The following TXNDC11 variants were observed in gnomAD, a reference collection of about 807,000 sequenced individuals.
TXNDC11 encodes thioredoxin domain-containing protein 11.
TXNDC11 carries 68 observed loss-of-function variants against 78.0 expected under a neutral mutation model. That is an observed-to-expected ratio of 0.87 (90% CI 0.72 to 1.07). The LOEUF (loss-of-function observed/expected upper bound fraction) is 1.07. Among genes scored for constraint, TXNDC11 ranks in the 50% least tolerant of loss-of-function variants. The probability of loss-of-function intolerance (pLI) is 0.00; values close to 1 mark genes in which losing one functional copy is unlikely to be tolerated. For synonymous variants in TXNDC11, 571 were observed against 495.2 expected (o/e 1.15, Z -2.03); for missense variants, 1,389 against 1,221.8 (o/e 1.14, Z -2.04).
In TXNDC11 at chr16:11,679,316, T is replaced by C. The variant is rs2050345324; in HGVS notation, c.2756A>G (p.Glu919Gly). The C allele has an allele frequency of 2.5e-6, 4 of 1,612,326 alleles. No individual in the cohort carries two copies. The highest frequency in any genetic ancestry group is 3.4e-6 in the Non-Finnish European group (4 of 1,179,592). Residue 919 changes from glutamate (E) to glycine (G), a missense_variant, in exon 12 of 12, where the codon GAG (glutamate) becomes GGG (glycine). Glu to Gly is a moderately conservative substitution (Grantham distance 98). Coordinates refer to ENST00000283033, the MANE Select transcript of TXNDC11 (RefSeq NM_015914.7). The surrounding 1 kb of genome is among the most constrained non-coding windows in gnomAD (Gnocchi z 4.6). ...DGAESLAAQR[E>G]VHPKQPEPSA... The stretch of plus-strand genomic sequence containing the variant: ...GGGCTCAGGCTGCTTGGGGTGGACC[T>C]CTCTCTGGGCCGCCAGGCTTTCAGC...
intron 1 of TXNDC11, among the ~76,000 whole-genome samples, chr16:11,741,327 G>A (rs1317927733): frequency 1.3e-5 from 2 of 152,174 alleles, no homozygotes; most frequent in Non-Finnish European, 1.5e-5. Flanking sequence ...GTGGATTTGG[G>A]AGACCAGAAG....
chr16:11,735,514 C>T (rs568938930), intron 2 of TXNDC11, among the ~76,000 whole-genome samples: 59 of 152,188 alleles, frequency 3.9e-4, no homozygotes, highest in Non-Finnish European at 6.2e-4. Context: ...CTGGGGTCCA[C>T]TGGGCTGAAA....
At chr16:11,685,578 G>A (rs1312478268) in intron 10 of TXNDC11, among the ~76,000 whole-genome samples, 1 of 151,890 alleles carries the variant, frequency 6.6e-6, no homozygotes, top group Non-Finnish European at 1.5e-5. Flanking sequence ...GAACCCGGGA[G>A]GCGGAGCTTA....
chr16:11,690,313 G>A (rs994016038), intron 8 of TXNDC11, among the ~76,000 whole-genome samples: 1 of 152,242 alleles, frequency 6.6e-6, no homozygotes, highest in African/African-American at 2.4e-5. Flanking sequence ...CCAGGGGCAA[G>A]CTCTGGGTGC....
chr16:11,708,666 A>G (rs1022590318), intron 5 of TXNDC11, among the ~76,000 whole-genome samples: 11 of 152,256 alleles, frequency 7.2e-5, no homozygotes, highest in African/African-American at 2.7e-4. Flanking sequence ...TTCAAAACAA[A>G]ATACCACTGG....
intron 8 of TXNDC11, among the ~76,000 whole-genome samples, chr16:11,690,560 CTCTT>C (rs1157146706): frequency 6.6e-6 from 1 of 152,100 alleles, no homozygotes; most frequent in African/African-American, 2.4e-5. Context: ...CTTCACTGCT[CTCTT>C]TTTTTGGAGA....
chr16:11,729,961 G>A (rs2051997363), intron 4 of TXNDC11, among the ~76,000 whole-genome samples: 1 of 152,230 alleles, frequency 6.6e-6, no homozygotes, highest in South Asian at 2.1e-4. Context: ...TGGGCGTGGT[G>A]GCACTGCCTG....
chr16:11,737,510 A>G (rs2052260439), intron 1 of TXNDC11, among the ~76,000 whole-genome samples: 1 of 152,006 alleles, frequency 6.6e-6, no homozygotes, highest in African/African-American at 2.4e-5. Flanking sequence ...GACGGTACAA[A>G]TGGAAAACAA....
chr16:11,740,232 G>C (rs189770638), intron 1 of TXNDC11, among the ~76,000 whole-genome samples: 2 of 151,972 alleles, frequency 1.3e-5, no homozygotes, highest in African/African-American at 4.8e-5. Context: ...GAAAAGCGGG[G>C]GTAGAAATGT....
intron 1 of TXNDC11, chr16:11,742,097 G>T (rs1346543681): frequency 1.8e-5 from 4 of 225,008 alleles, no homozygotes; most frequent in African/African-American, 9.1e-5. Flanking sequence ...ACTCTCGCAA[G>T]GTTGTGGATC....
chr16:11,732,292 T>C (rs11642880), intron 3 of TXNDC11, among the ~76,000 whole-genome samples: 46,559 of 152,110 alleles, frequency 0.31, 8,852 homozygotes, highest in Non-Finnish European at 0.43. Context: ...ACTCTTCTGA[T>C]TTTAATGTCA....
At chr16:11,702,753 G>A (rs2051069404) in intron 5 of TXNDC11, among the ~76,000 whole-genome samples, 1 of 152,158 alleles carries the variant, frequency 6.6e-6, no homozygotes, top group Admixed American at 6.5e-5. Context: ...AAGTAGCTAA[G>A]ATATAAAAAT....
chr16:11,711,538 C>T (rs1055445869), intron 5 of TXNDC11, among the ~76,000 whole-genome samples: 1 of 152,160 alleles, frequency 6.6e-6, no homozygotes, highest in African/African-American at 2.4e-5. Context: ...CTAGACTGTC[C>T]ATCTCACATT....
rs907083098 is a variant in TXNDC11, at chr16:11,742,491, G to C, written c.240C>G (p.Leu80=). The change falls in exon 1 of 12, where the codon CTC becomes CTG. Residue 80 remains leucine, a synonymous_variant. Transcript: ENST00000283033. ...VALGCALLLA[L]KFTCSRAKDV... is the part of the protein sequence containing the mutation. ...GGCCGCCTCACCTGCAGGTGAACTT[G>C]AGGGCGAGGAGCAGCGCGCAGCCGA... 6.9e-7 allele frequency: 1 copy of C among 1,449,762 alleles called. No individual in the cohort carries two copies. The highest frequency in any genetic ancestry group is 9.0e-7 in the Non-Finnish European group (1 of 1,109,376). 89.8% of individuals were successfully genotyped at this position (1,449,762 alleles called of 1,614,324 possible). A position where few individuals can be genotyped will look rare whatever the true frequency, so the allele number is the denominator to read the frequency against.
At chr16:11,700,691 A>T in intron 5 of TXNDC11, 127 bp from the exon 6 acceptor site, 1 of 568,518 alleles carries the variant, frequency 1.8e-6, no homozygotes, top group Non-Finnish European at 3.2e-6. Flanking sequence ...TAGCCTAGAG[A>T]GGGAAGGAAG....
chr16:11,693,452 T>C (rs1228610339), intron 7 of TXNDC11, among the ~76,000 whole-genome samples: 1 of 152,150 alleles, frequency 6.6e-6, no homozygotes, highest in Non-Finnish European at 1.5e-5. Context: ...CAGGATTTTG[T>C]TTCGCTGTGT....
At chr16:11,731,996 C>A (rs1450688514) in intron 3 of TXNDC11, among the ~76,000 whole-genome samples, 1 of 152,162 alleles carries the variant, frequency 6.6e-6, no homozygotes, top group African/African-American at 2.4e-5. Context: ...GAAACCTCAA[C>A]CACTCAGGCC....
At chr16:11,711,843 T>C (rs2051372205) in intron 5 of TXNDC11, among the ~76,000 whole-genome samples, 2 of 152,176 alleles carry the variant, frequency 1.3e-5, no homozygotes, top group African/African-American at 2.4e-5. Flanking sequence ...CACTTCCTAC[T>C]TCAAAGGGTG....
chr16:11,713,032 A>T (rs1341106856), intron 5 of TXNDC11, among the ~76,000 whole-genome samples: 5 of 149,732 alleles, frequency 3.3e-5, no homozygotes, highest in Admixed American at 6.7e-5. Flanking sequence ...GCTTGAACCC[A>T]GGAGGCGGAG....
Sources: gnomAD v4.1 joint callset for allele counts (sites outside exome capture counted in the v4.1 genomes callset) on GRCh38, gnomAD v4.1.1 for gene constraint, Gnocchi (gnomAD v3.1) non-coding constraint, MANE v1.5 for transcripts, NCBI Gene and HGNC (gene_info 2026-07-23, HGNC 2026-07-21) for gene names.